Variants in AK8 observed in about 807,000 individuals in gnomAD.
AK8 encodes adenylate kinase 8.
AK8 carries 44 observed loss-of-function variants against 54.6 expected under a neutral mutation model. The observed-to-expected ratio is 0.81, with a 90% CI of 0.63 to 1.04. AK8 has a LOEUF of 1.04. Ranked by LOEUF, AK8 falls within the 50% of genes least tolerant of loss-of-function variation. AK8 has a pLI of 0.00. For missense variants in AK8, 555 were observed against 613.6 expected, an observed-to-expected ratio of 0.90 and a Z score of 1.01; for synonymous variants, 239 against 245.6, an observed-to-expected ratio of 0.97 and a Z score of 0.25.
In AK8 at chr9:132,799,126, C is replaced by A. The variant is rs1324674871; in HGVS notation, c.980-6351G>T. ...CGGAGAGAGCACCCAGGCCAGCTTG[C>A]GGTTTTCCAGCAGGCACCAGAGGCC... On this transcript the variant is annotated intron_variant, in intron 10 of 12. Coordinates refer to ENST00000298545, the MANE Select transcript of AK8 (RefSeq NM_152572.3). The surrounding 1 kb of genome is among the most constrained non-coding windows in gnomAD (Gnocchi z 5.0). 6.6e-6 allele frequency among the ~76,000 whole-genome samples: 1 copy of A among 152,164 alleles called. No homozygotes were observed. Among genetic ancestry groups the A allele is most frequent in the East Asian group, 1.9e-4 (1 of 5,192 alleles).
intron 11 of AK8, among the ~76,000 whole-genome samples, chr9:132,762,168 C>T (rs1198452864): frequency 1.3e-5 from 2 of 152,136 alleles, no homozygotes; most frequent in Non-Finnish European, 2.9e-5. Context: ...CTGCGCCTGG[C>T]CATTCTTTCT....
intron 4 of AK8, among the ~76,000 whole-genome samples, chr9:132,858,077 C>T (rs1843247403): frequency 6.6e-6 from 1 of 152,366 alleles, no homozygotes. Context: ...AGAGAAGGCT[C>T]AGCCCCGACT....
intron 11 of AK8, among the ~76,000 whole-genome samples, chr9:132,744,240 C>G (rs906772307): frequency 6.6e-6 from 1 of 152,176 alleles, no homozygotes; most frequent in African/African-American, 2.4e-5. Flanking sequence ...CCAATCACAG[C>G]TGCCTTGCCT....
intron 11 of AK8, among the ~76,000 whole-genome samples, chr9:132,747,595 C>T (rs1369629716): frequency 6.7e-6 from 1 of 150,290 alleles, no homozygotes; most frequent in East Asian, 2.0e-4. Context: ...CCATGCCTGG[C>T]TAATTTTTTG....
intron 1 of AK8, 27 bp from the exon 2 acceptor site, chr9:132,875,226 T>C: frequency 6.2e-7 from 1 of 1,613,052 alleles, no homozygotes; most frequent in South Asian, 1.1e-5. Flanking sequence ...GACACCCAGG[T>C]GGTTAATACC....
chr9:132,841,335 G>T (rs1380975229), intron 5 of AK8, among the ~76,000 whole-genome samples: 1 of 152,224 alleles, frequency 6.6e-6, no homozygotes, highest in Non-Finnish European at 1.5e-5. Context: ...GTGCGTGAAG[G>T]CCTCTGCCTT....
chr9:132,855,815 G>A (rs944360091), intron 4 of AK8, among the ~76,000 whole-genome samples: 2 of 152,102 alleles, frequency 1.3e-5, no homozygotes, highest in African/African-American at 4.8e-5. Flanking sequence ...ACAGTAACAC[G>A]GGCCCCCAAA....
intron 9 of AK8, among the ~76,000 whole-genome samples, chr9:132,821,706 C>T (rs539644590): frequency 7.5e-4 from 94 of 124,862 alleles, no homozygotes; most frequent in African/African-American, 2.5e-3. Context: ...TATATATACA[C>T]GTACATTTGT....
rs1310170242 is a variant in AK8, at chr9:132,837,809, T to C, written c.403-9083A>G. Among the ~76,000 whole-genome samples, 3 of 152,160 alleles carry C rather than the reference T, an allele frequency of 2.0e-5. No homozygotes were observed. The highest frequency in any genetic ancestry group is 4.4e-5 in the Non-Finnish European group (3 of 68,036). ...CACAAATAAGGGGGCACAGGAGGTG[T>C]GCTCACTGTGCTGTGCCCGGCACCT... On this transcript the variant is annotated intron_variant, in intron 5 of 12. Transcript: ENST00000298545. This position sits in a 1 kb window ranked among gnomAD's most constrained non-coding sequence, Gnocchi z 4.3.
In AK8 at chr9:132,833,978, T is replaced by C. The variant is rs144501392; in HGVS notation, c.403-5252A>G. ...CCAGAGCGTGGGGCTCCCTGGGTGT[T>C]TTCCCCAGTCCTGCCTCTGATCTGG... On this transcript the variant is annotated intron_variant, in intron 5 of 12. Transcript: ENST00000298545. 3.9e-5 allele frequency among the ~76,000 whole-genome samples: 6 copies of C among 152,360 alleles called. No homozygotes were observed. In the East Asian group the frequency reaches 1.2e-3, roughly 29 times the overall value.
Position 132,854,839 on chromosome 9 carries a change from A to G in AK8, c.402+18T>C. ...CCTTTATCTTGGCACTGAAACCCCT[A>G]GCTCACTGGAGTCTTACCTGCTTGA... On this transcript the variant is annotated intron_variant, in intron 5 of 12. Coordinates refer to ENST00000298545, the MANE Select transcript of AK8 (RefSeq NM_152572.3). 6.2e-7 allele frequency: 1 copy of G among 1,613,810 alleles called. No individual in the cohort carries two copies. The highest frequency in any genetic ancestry group is 8.5e-7 in the Non-Finnish European group (1 of 1,179,890).
At chr9:132,802,934 C>T (rs1314763541) in intron 10 of AK8, among the ~76,000 whole-genome samples, 3 of 152,148 alleles carry the variant, frequency 2.0e-5, no homozygotes, top group Non-Finnish European at 4.4e-5. Flanking sequence ...ACTTGGGGGA[C>T]ATACCCAAGA....
chr9:132,772,293 G>T (rs1046198232), intron 11 of AK8, among the ~76,000 whole-genome samples: 3 of 152,218 alleles, frequency 2.0e-5, no homozygotes, highest in Non-Finnish European at 4.4e-5. Context: ...GGGTTGAATT[G>T]TGTTCCACAA....
chr9:132,839,829 G>GGGC (rs1842467034), intron 5 of AK8, among the ~76,000 whole-genome samples: 1 of 147,274 alleles, frequency 6.8e-6, no homozygotes, highest in Non-Finnish European at 1.5e-5. Flanking sequence ...CCGGGGGGGG[G>GGGC]GGCGCAGGGA....
chr9:132,878,393 C>T (rs1844256203), upstream of AK8: 2 of 1,241,966 alleles, frequency 1.6e-6, no homozygotes, highest in East Asian at 3.2e-5. The surrounding 1 kb of genome is among the most constrained non-coding windows in gnomAD (Gnocchi z 4.7). Flanking sequence ...TCGCGCGGGT[C>T]GCCCCCGCCC....
chr9:132,737,948 G>A (rs757562906), intron 11 of AK8, among the ~76,000 whole-genome samples: 26 of 152,294 alleles, frequency 1.7e-4, no homozygotes, highest in Non-Finnish European at 3.2e-4. Context: ...GGGTGTGGGC[G>A]GTCTGAGCAC....
intron 11 of AK8, among the ~76,000 whole-genome samples, chr9:132,754,454 G>C (rs1285695211): frequency 6.6e-6 from 1 of 152,158 alleles, no homozygotes; most frequent in African/African-American, 2.4e-5. Flanking sequence ...CTGAATGTTC[G>C]TGGAAGATCA....
In AK8 at chr9:132,823,565, G is replaced by A. The variant is rs78688269; in HGVS notation, c.758-229C>T. ...AAGTCCACAGAAGCCACCCTGGAGCGCCGCCCTGGATTCCTCTCAACACAG... is the reference window on the plus strand; with the variant it reads ...AAGTCCACAGAAGCCACCCTGGAGCACCGCCCTGGATTCCTCTCAACACAG... On this transcript the variant is annotated intron_variant, in intron 8 of 12. Transcript: ENST00000298545. 1.5e-3 allele frequency among the ~76,000 whole-genome samples: 225 copies of A among 152,326 alleles called. 2 individuals are homozygous for A. Among genetic ancestry groups the A allele is most frequent in the African/African-American group, 4.5e-3 (188 of 41,570 alleles).
intron 10 of AK8, among the ~76,000 whole-genome samples, chr9:132,796,010 G>A (rs1408002513): frequency 6.6e-6 from 1 of 152,196 alleles, no homozygotes; most frequent in African/African-American, 2.4e-5. Flanking sequence ...ACTGTAGGTG[G>A]TCTGACCTTT....
Sources: gnomAD v4.1 joint callset for allele counts (sites outside exome capture counted in the v4.1 genomes callset) on GRCh38, gnomAD v4.1.1 for gene constraint, Gnocchi (gnomAD v3.1) non-coding constraint, MANE v1.5 for transcripts, NCBI Gene and HGNC (gene_info 2026-07-23, HGNC 2026-07-21) for gene names.